SPOPL: variants seen among roughly 807,000 people sequenced by gnomAD.
The protein encoded by SPOPL is speckle-type POZ protein-like.
In SPOPL, 23 loss-of-function variants were observed where a neutral mutation model predicts 53.8. The observed-to-expected ratio is 0.43, with a 90% CI of 0.31 to 0.61. SPOPL has a LOEUF of 0.61. SPOPL is among the 20% of genes least tolerant of loss of function. The probability of loss-of-function intolerance (pLI) is 0.12; values close to 1 mark genes in which losing one functional copy is unlikely to be tolerated. For missense variants in SPOPL, 442 were observed against 466.9 expected, an observed-to-expected ratio of 0.95 and a Z score of 0.49; for synonymous variants, 164 against 149.7, an observed-to-expected ratio of 1.10 and a Z score of -0.70.
At chr2:138,533,415 G>A (rs1012830339) in intron 1 of SPOPL, among the ~76,000 whole-genome samples, 10 of 152,038 alleles carry the variant, frequency 6.6e-5, no homozygotes, top group African/African-American at 2.2e-4. Flanking sequence ...AAATATCTCC[G>A]TGTCTGTATC....
chr2:138,526,214 C>G (rs1343143195), intron 1 of SPOPL, among the ~76,000 whole-genome samples: 1 of 151,970 alleles, frequency 6.6e-6, no homozygotes, highest in Non-Finnish European at 1.5e-5. Flanking sequence ...GTGGAATGGA[C>G]CCACAGAGTA....
intron 1 of SPOPL, among the ~76,000 whole-genome samples, chr2:138,544,737 T>G (rs1361947958): frequency 6.6e-6 from 1 of 152,210 alleles, no homozygotes; most frequent in African/African-American, 2.4e-5. Flanking sequence ...CTGCACCCAC[T>G]GTCCTGCACC....
chr2:138,543,704 T>C (rs1432687848), intron 1 of SPOPL, among the ~76,000 whole-genome samples: 2 of 152,154 alleles, frequency 1.3e-5, no homozygotes, highest in Non-Finnish European at 1.5e-5. Flanking sequence ...CTTGGAGTAG[T>C]TTGATCGTCT....
chr2:138,525,021 G>A (rs1311281846), intron 1 of SPOPL, among the ~76,000 whole-genome samples: 3 of 152,112 alleles, frequency 2.0e-5, no homozygotes, highest in Non-Finnish European at 2.9e-5. Flanking sequence ...TATCTTTTCA[G>A]CAGTGCCCCA....
At chr2:138,534,201 G>A in intron 1 of SPOPL, among the ~76,000 whole-genome samples, 1 of 152,078 alleles carries the variant, frequency 6.6e-6, no homozygotes, top group African/African-American at 2.4e-5. Flanking sequence ...TATAGAAGGT[G>A]TTTTATAGAG....
rs558000846 is a variant in SPOPL at position 138,571,063 on chromosome 2, G to A, written c.*1983G>A. ...ATTCACTTCCTTAAATCCATCGTAA[G>A]ATTGAGCCTCAAGTTTGCAATATAC... On this transcript the variant is annotated 3_prime_UTR_variant, in exon 11 of 11. Transcript: ENST00000280098. The A allele has an allele frequency of 1.6e-4, 24 of 152,226 alleles. No homozygotes were observed. The highest frequency in any genetic ancestry group is 4.1e-4 in the African/African-American group (17 of 41,554). 9.4% of individuals were successfully genotyped at this position (152,226 alleles called of 1,614,324 possible). A position where few individuals can be genotyped will look rare whatever the true frequency, so the allele number is the denominator to read the frequency against.
At chr2:138,511,139 T>C (rs1018863354) in intron 1 of SPOPL, among the ~76,000 whole-genome samples, 1 of 152,230 alleles carries the variant, frequency 6.6e-6, no homozygotes, top group Non-Finnish European at 1.5e-5. Flanking sequence ...TACTTTTTCC[T>C]GTAAGCATTT....
chr2:138,545,701 A>G (rs1685180185), intron 1 of SPOPL, among the ~76,000 whole-genome samples: 1 of 151,950 alleles, frequency 6.6e-6, no homozygotes, highest in South Asian at 2.1e-4. Flanking sequence ...GGCCTCCCAA[A>G]GTGCTGGGAT....
intron 1 of SPOPL, among the ~76,000 whole-genome samples, chr2:138,530,892 C>G (rs1196377844): frequency 6.6e-6 from 1 of 150,500 alleles, no homozygotes; most frequent in Non-Finnish European, 1.5e-5. Flanking sequence ...GCCTCATTCC[C>G]GTTTCTCAGG....
chr2:138,567,188 T>C (rs1558883372), intron 10 of SPOPL, among the ~76,000 whole-genome samples: 1 of 152,136 alleles, frequency 6.6e-6, no homozygotes, highest in Non-Finnish European at 1.5e-5. Context: ...ATAGGGAATA[T>C]GTAGCATACC....
At chr2:138,541,328 C>T (rs1360093367) in intron 1 of SPOPL, among the ~76,000 whole-genome samples, 1 of 152,158 alleles carries the variant, frequency 6.6e-6, no homozygotes, top group East Asian at 1.9e-4. Context: ...GTACCAGCTC[C>T]TCCTTGTACC....
intron 1 of SPOPL, among the ~76,000 whole-genome samples, chr2:138,515,311 C>T (rs545225806): frequency 1.1e-4 from 17 of 152,242 alleles, no homozygotes; most frequent in African/African-American, 3.6e-4. Flanking sequence ...TGCTGGAATG[C>T]GCTTGTTCTT....
At position 138,564,757 on chromosome 2, in the gene SPOPL, ACC is replaced by A. The variant is rs1451513701; in HGVS notation, c.888_889del (p.Val299ArgfsTer27). The stretch of plus-strand genomic sequence containing the variant: ...ATGTGCGAAGAAGCTTTGTGTAGTA[ACC>A]TCTCAGTAGAGAATGTTGCAGATAC... On this transcript the variant is annotated frameshift_variant, in exon 9 of 11. Transcript: ENST00000280098. LOFTEE classifies it high-confidence loss of function. 1.9e-6 allele frequency: 3 copies of A among 1,614,158 alleles called. No individual in the cohort carries two copies. The highest frequency in any genetic ancestry group is 2.5e-6 in the Non-Finnish European group (3 of 1,180,018).
At chr2:138,519,295 A>G (rs1482581076) in intron 1 of SPOPL, among the ~76,000 whole-genome samples, 4 of 152,162 alleles carry the variant, frequency 2.6e-5, no homozygotes, top group Admixed American at 1.3e-4. Flanking sequence ...GTCACATTCT[A>G]TACTAGGCAG....
Position 138,569,284 on chromosome 2 carries a change from G to A in SPOPL, c.*204G>A. 1 of 517,000 alleles carries A rather than the reference G, an allele frequency of 1.9e-6. No homozygotes were observed. The highest frequency in any genetic ancestry group is 3.4e-6 in the Non-Finnish European group (1 of 296,868). 32.0% of individuals were successfully genotyped at this position (517,000 alleles called of 1,614,324 possible). ...AATTAGACTGATTAATTCACTTCAA[G>A]GCCTTAAATTATCTTCAATGACTTG... On this transcript the variant is annotated 3_prime_UTR_variant, in exon 11 of 11. Transcript: ENST00000280098.
chr2:138,544,305 T>C (rs1397529494), intron 1 of SPOPL, among the ~76,000 whole-genome samples: 6 of 152,202 alleles, frequency 3.9e-5, no homozygotes, highest in Non-Finnish European at 7.4e-5. Flanking sequence ...TGCTGCCTTT[T>C]GTTTGTCTTA....
At chr2:138,533,612 C>G (rs970192234) in intron 1 of SPOPL, among the ~76,000 whole-genome samples, 1 of 151,902 alleles carries the variant, frequency 6.6e-6, no homozygotes, top group Admixed American at 6.6e-5. Context: ...ATTTTATCAC[C>G]TTTATAAACA....
At chr2:138,505,760 CAAAAT>C (rs1353102134) in intron 1 of SPOPL, among the ~76,000 whole-genome samples, 1 of 151,580 alleles carries the variant, frequency 6.6e-6, no homozygotes, top group Non-Finnish European at 1.5e-5. Flanking sequence ...GACTCTGTCT[CAAAAT>C]AAAATAATAA....
chr2:138,559,276 T>G lies in SPOPL; in HGVS notation c.659-6T>G. On this transcript the variant is annotated splice_region_variant and splice_polypyrimidine_tract_variant and intron_variant, in intron 6 of 10. Transcript: ENST00000280098. ...CATAAAATAATGATACATAATCTTG[T>G]TACAGCTCGATCTCCAGTTTTTAAC... 1 of 1,613,034 alleles carries G rather than the reference T, an allele frequency of 6.2e-7. No individual in the cohort carries two copies. The highest frequency in any genetic ancestry group is 1.3e-5 in the African/African-American group (1 of 75,008).
Sources: allele counts gnomAD v4.1 joint callset (sites outside exome capture counted in the v4.1 genomes callset), GRCh38; gene constraint gnomAD v4.1.1; transcripts MANE v1.5; gene names NCBI Gene and HGNC (gene_info 2026-07-23, HGNC 2026-07-21).